Variants in SAMMSON observed in about 807,000 individuals in gnomAD.
The protein encoded by SAMMSON is long intergenic non-protein coding RNA 1212.
chr3:70,315,815 G>A lies in SAMMSON; in HGVS notation n.739+24572G>A, dbSNP rs138807872. 4.3e-3 allele frequency among the ~76,000 whole-genome samples: 647 copies of A among 152,040 alleles called. 4 individuals carry two copies. The highest frequency in any genetic ancestry group is 6.6e-3 in the Non-Finnish European group (452 of 67,980). On this transcript the variant is annotated intron_variant and non_coding_transcript_variant, in intron 7 of 9. Transcript: ENST00000642114. ...GGAAACCACAGAGACCCAACCAAACGCTCAAAAGTGACAAGCCAGCCTAGG... is the reference window on the plus strand; with the variant it reads ...GGAAACCACAGAGACCCAACCAAACACTCAAAAGTGACAAGCCAGCCTAGG...
chr3:70,429,658 A>G (rs1187922058), intron 2 of SAMMSON, among the ~76,000 whole-genome samples: 1 of 152,124 alleles, frequency 6.6e-6, no homozygotes, highest in Non-Finnish European at 1.5e-5. Flanking sequence ...AGTGGTTTGT[A>G]GTTCTCTTTG....
intron 4 of SAMMSON, among the ~76,000 whole-genome samples, chr3:70,108,983 A>T (rs2067378295): frequency 1.3e-5 from 2 of 152,106 alleles, no homozygotes; most frequent in Non-Finnish European, 2.9e-5. Context: ...AGTATCTAAG[A>T]TTTTAAACCC....
chr3:70,286,620 A>G lies in SAMMSON; in HGVS notation n.675-4559A>G, dbSNP rs989717040. Among the ~76,000 whole-genome samples, 180 of 151,952 alleles carry G rather than the reference A, an allele frequency of 1.2e-3. 1 individual carries two copies. Among genetic ancestry groups the G allele is most frequent in the East Asian group, 9.9e-3 (51 of 5,156 alleles). On this transcript the variant is annotated intron_variant and non_coding_transcript_variant, in intron 6 of 9. Transcript: ENST00000642114. Reference sequence around the variant, plus strand: ...GAAAGTCATTGGTAGCTTGATGGGGATGGCATTGAATCTGTAAATTACCTT... The same window carrying G: ...GAAAGTCATTGGTAGCTTGATGGGGGTGGCATTGAATCTGTAAATTACCTT...
intron 4 of SAMMSON, among the ~76,000 whole-genome samples, chr3:70,229,164 T>C (rs1001959282): frequency 1.3e-5 from 2 of 152,174 alleles, no homozygotes; most frequent in Admixed American, 6.5e-5. Context: ...TTTACCACAA[T>C]TTTTAGTTAT....
intron 3 of SAMMSON, among the ~76,000 whole-genome samples, chr3:70,045,077 A>T (rs181957482): frequency 0.11 from 8,149 of 75,606 alleles, 425 homozygotes; most frequent in East Asian, 0.3. Flanking sequence ...TATTATAATT[A>T]ATATATATAA....
intron 1 of SAMMSON, among the ~76,000 whole-genome samples, chr3:70,007,972 T>G (rs1044963642): frequency 6.6e-6 from 1 of 152,152 alleles, no homozygotes; most frequent in Non-Finnish European, 1.5e-5. Flanking sequence ...GCGGCATTAT[T>G]TCTAAGGGCT....
intron 3 of SAMMSON, among the ~76,000 whole-genome samples, chr3:70,044,572 G>A (rs1179334129): frequency 6.6e-6 from 1 of 151,928 alleles, no homozygotes; most frequent in Non-Finnish European, 1.5e-5. Context: ...GTAGCACTGA[G>A]AACAGGTATC....
At chr3:70,172,298 T>C (rs1191643792) in intron 4 of SAMMSON, 3 of 148,016 alleles carry the variant, frequency 2.0e-5, no homozygotes, top group Non-Finnish European at 3.0e-5. Flanking sequence ...CTTTTTAAGG[T>C]GACAGTCTCA....
At chr3:70,237,558 T>C (rs1371763791) in intron 4 of SAMMSON, among the ~76,000 whole-genome samples, 2 of 152,240 alleles carry the variant, frequency 1.3e-5, no homozygotes, top group Non-Finnish European at 1.5e-5. Context: ...ACTCTTCTTC[T>C]TCAATCATTC....
chr3:70,028,190 T>TTCCTTCCTTCCTTC (rs1559776290), intron 3 of SAMMSON, among the ~76,000 whole-genome samples: 20 of 143,420 alleles, frequency 1.4e-4, no homozygotes, highest in African/African-American at 5.7e-4. Context: ...TTCCTTCCTT[T>TTCCTTCCTTCCTTC]CTTTCTTTCT....
At chr3:70,354,435 T>G (rs1204619280) in intron 8 of SAMMSON, among the ~76,000 whole-genome samples, 1 of 152,004 alleles carries the variant, frequency 6.6e-6, no homozygotes, top group Non-Finnish European at 1.5e-5. Context: ...CTGGAAATAG[T>G]TTAAAGATAA....
chr3:70,356,034 T>C (rs1702826985), intron 8 of SAMMSON, among the ~76,000 whole-genome samples: 1 of 152,180 alleles, frequency 6.6e-6, no homozygotes, highest in Non-Finnish European at 1.5e-5. Flanking sequence ...TCAATAGGAT[T>C]AGTTCTGAAA....
At chr3:70,116,810 C>G (rs2067413526) in intron 4 of SAMMSON, among the ~76,000 whole-genome samples, 1 of 152,122 alleles carries the variant, frequency 6.6e-6, no homozygotes, top group Admixed American at 6.5e-5. Context: ...ATGGGAGATT[C>G]ATACAATCCC....
intron 6 of SAMMSON, among the ~76,000 whole-genome samples, chr3:70,279,693 C>T (rs1259897636): frequency 6.6e-6 from 1 of 152,176 alleles, no homozygotes; most frequent in Admixed American, 6.5e-5. Flanking sequence ...CAGATGCAAA[C>T]ACACACCCTG....
chr3:70,015,958 T>G (rs2066983146), intron 3 of SAMMSON, among the ~76,000 whole-genome samples: 1 of 152,340 alleles, frequency 6.6e-6, no homozygotes, highest in South Asian at 2.1e-4. Flanking sequence ...TAATCCAGTC[T>G]GTCATTGATG....
intron 7 of SAMMSON, among the ~76,000 whole-genome samples, chr3:70,318,087 A>G (rs1702508036): frequency 6.6e-6 from 1 of 151,278 alleles, no homozygotes; most frequent in Non-Finnish European, 1.5e-5. Flanking sequence ...ATGTACTTAG[A>G]TGTAATTTTC....
At chr3:70,345,045 T>C (rs1259439581) in intron 7 of SAMMSON, among the ~76,000 whole-genome samples, 1 of 152,236 alleles carries the variant, frequency 6.6e-6, no homozygotes. Context: ...CTCATATAAA[T>C]ATAAATGTAT....
At chr3:70,006,436 G>A (rs980388989) in intron 1 of SAMMSON, among the ~76,000 whole-genome samples, 3 of 152,142 alleles carry the variant, frequency 2.0e-5, no homozygotes, top group Non-Finnish European at 2.9e-5. Context: ...AAAGTTTGGC[G>A]AAGCTGGATA....
intron 2 of SAMMSON, among the ~76,000 whole-genome samples, chr3:70,404,969 A>T (rs1428044694): frequency 6.6e-6 from 1 of 152,208 alleles, no homozygotes; most frequent in Non-Finnish European, 1.5e-5. Context: ...TATGTGTAGG[A>T]TGAGAGTCCA....
Sources: gnomAD v4.1 joint callset for allele counts (sites outside exome capture counted in the v4.1 genomes callset) on GRCh38, gnomAD v4.1.1 for gene constraint, MANE v1.5 for transcripts, NCBI Gene and HGNC (gene_info 2026-07-23, HGNC 2026-07-21) for gene names.